Variants in STRN observed in about 807,000 individuals in gnomAD.
The protein encoded by STRN is striatin, also known as protein phosphatase 2 regulatory subunit B'''alpha.
A neutral mutation model predicts 96.3 loss-of-function variants in STRN; 53 were observed. The observed-to-expected ratio is 0.55, with a 90% CI of 0.44 to 0.69. STRN has a LOEUF of 0.69. STRN is among the 30% of genes least tolerant of loss of function. The pLI is 0.00. For missense variants in STRN, 987 were observed against 963.9 expected (o/e 1.02, Z -0.32); for synonymous variants, 428 against 355.9 (o/e 1.20, Z -2.28).
Position 36,867,838 on chromosome 2 carries a change from G to C in STRN, c.1523C>G (p.Pro508Arg). The change falls in exon 12 of 18, where the codon CCT (proline) becomes CGT (arginine). Residue 508 changes from proline (P) to arginine (R), a missense_variant. By Grantham distance (103) the Pro-to-Arg change is moderately radical. Transcript: ENST00000263918. The part of the protein sequence containing the change: ...AKKSTSLDVE[P>R]IYTFRAHKGP... ...CTTATGGGCTCTGAATGTATAGATA[G>C]GTTCTACATCAAGAGAAGTGCTCCT... The C allele has an allele frequency of 6.3e-7, 1 of 1,592,348 alleles. No individual in the cohort carries two copies. The highest frequency in any genetic ancestry group is 8.5e-7 in the Non-Finnish European group (1 of 1,170,740).
At chr2:36,923,650 A>G (rs3770776) in intron 2 of STRN, among the ~76,000 whole-genome samples, 62,463 of 151,948 alleles carry the variant, frequency 0.41, 13,100 homozygotes, top group East Asian at 0.55. Context: ...AGTTCTAATA[A>G]AATTTTATCT....
chr2:36,859,222 G>A (rs1238417072), intron 13 of STRN, among the ~76,000 whole-genome samples: 2 of 152,086 alleles, frequency 1.3e-5, no homozygotes, highest in African/African-American at 4.8e-5. Flanking sequence ...ATTTAATAAG[G>A]TAAGCTTGGT....
At chr2:36,897,735 C>A (rs1473101491) in intron 6 of STRN, among the ~76,000 whole-genome samples, 1 of 151,930 alleles carries the variant, frequency 6.6e-6, no homozygotes, top group African/African-American at 2.4e-5. Context: ...CCGTACCCAG[C>A]CAAAACTAAA....
intron 1 of STRN, among the ~76,000 whole-genome samples, chr2:36,926,311 G>A (rs1218451215): frequency 4.6e-5 from 7 of 152,146 alleles, no homozygotes; most frequent in African/African-American, 1.7e-4. Flanking sequence ...ACTTGTTAAA[G>A]TGACTCATAA....
At chr2:36,943,611 C>T (rs1400028849) in intron 1 of STRN, among the ~76,000 whole-genome samples, 35 of 151,708 alleles carry the variant, frequency 2.3e-4, no homozygotes, top group African/African-American at 7.2e-5. Flanking sequence ...AAGACCATCC[C>T]GGCTAACACA....
At chr2:36,925,084 C>T (rs1670374316) in intron 2 of STRN, 21 bp downstream of exon 2, 7 of 1,588,680 alleles carry the variant, frequency 4.4e-6, no homozygotes, top group Middle Eastern at 1.9e-4. Context: ...AAGAACACCA[C>T]TTTTCATTTT....
chr2:36,867,311 A>T (rs1668653229), intron 12 of STRN: 1 of 152,104 alleles, frequency 6.6e-6, no homozygotes, highest in African/African-American at 2.4e-5. Context: ...AACAGTGTAA[A>T]ACCTTGTCTC....
In STRN at chr2:36,856,037, C is replaced by T. The variant is rs1479073326; in HGVS notation, c.1838-685G>A. ...AATGTGCATACTGCAGAAGAAGATACACAAATAACCAATAAGCAAACAAAA... is the reference window on the plus strand; with the variant it reads ...AATGTGCATACTGCAGAAGAAGATATACAAATAACCAATAAGCAAACAAAA... On this transcript the variant is annotated intron_variant, in intron 14 of 17. Transcript: ENST00000263918. Among the ~76,000 whole-genome samples the T allele has an allele frequency of 2.0e-5, 3 of 152,050 alleles. No homozygotes were observed. In the East Asian group the frequency reaches 5.8e-4, roughly 29 times the overall value.
At chr2:36,856,776 G>A (rs551660869) in intron 14 of STRN, among the ~76,000 whole-genome samples, 2 of 152,252 alleles carry the variant, frequency 1.3e-5, no homozygotes, top group South Asian at 2.1e-4. Context: ...ACGGCCTGGC[G>A]GGAGGTGATT....
At chr2:36,879,446 G>C (rs1283598410) in intron 9 of STRN, among the ~76,000 whole-genome samples, 2 of 152,186 alleles carry the variant, frequency 1.3e-5, no homozygotes, top group Non-Finnish European at 2.9e-5. Flanking sequence ...GTTTTACTTT[G>C]TGAATAACCT....
rs1035975638 is a variant in STRN, at chr2:36,843,404, G to A, written c.*6052C>T. On this transcript the variant is annotated 3_prime_UTR_variant, in exon 18 of 18. Transcript: ENST00000263918. ...GGCTTGTGTATGTCTGTTAAGTAGC[G>A]AAACAAAAAATAAAAACATTGTATT... Among the ~76,000 whole-genome samples, 14 of 151,924 alleles carry A rather than the reference G, an allele frequency of 9.2e-5. No homozygotes were observed. The highest frequency in any genetic ancestry group is 2.9e-4 in the African/African-American group (12 of 41,358).
chr2:36,920,121 C>G (rs1183057045), intron 2 of STRN, among the ~76,000 whole-genome samples: 4 of 152,038 alleles, frequency 2.6e-5, no homozygotes, highest in African/African-American at 9.7e-5. Context: ...TAAAATAGAT[C>G]AAGGTGAAAA....
In STRN at chr2:36,936,990, T is replaced by A. The variant is rs1215140422; in HGVS notation, c.235-11782A>T. The stretch of plus-strand genomic sequence containing the variant: ...TGTCCAGGTCAATATAGTAAAATAC[T>A]CTGACAAAGACAGTAGGACCCAGAC... On this transcript the variant is annotated intron_variant, in intron 1 of 17. Coordinates refer to ENST00000263918, the MANE Select transcript of STRN (RefSeq NM_003162.4). Among the ~76,000 whole-genome samples the A allele has an allele frequency of 3.3e-5, 5 of 152,272 alleles. No individual in the cohort carries two copies. The East Asian group carries it at 9.7e-4, about 29-fold the overall frequency.
chr2:36,870,022 A>G (rs1183726208), intron 10 of STRN, among the ~76,000 whole-genome samples: 1 of 152,196 alleles, frequency 6.6e-6, no homozygotes, highest in Non-Finnish European at 1.5e-5. Context: ...GATAAATAAT[A>G]CCAAGTAATT....
chr2:36,868,068 C>A (rs1668674748), intron 11 of STRN, among the ~76,000 whole-genome samples: 1 of 152,144 alleles, frequency 6.6e-6, no homozygotes, highest in African/African-American at 2.4e-5. Context: ...TATCATGTTA[C>A]AGTATTTTTA....
chr2:36,894,496 T>A (rs1669487579), intron 6 of STRN, among the ~76,000 whole-genome samples: 1 of 152,180 alleles, frequency 6.6e-6, no homozygotes, highest in Non-Finnish European at 1.5e-5. Flanking sequence ...AACTCTGGAA[T>A]CACAAATCCA....
intron 3 of STRN, among the ~76,000 whole-genome samples, chr2:36,910,050 G>A (rs898890749): frequency 7.9e-5 from 12 of 152,084 alleles, no homozygotes; most frequent in African/African-American, 2.4e-4. Context: ...GCAGGCGCCT[G>A]TAATCCCAGC....
chr2:36,869,970 TA>T (rs1160164455), intron 10 of STRN, among the ~76,000 whole-genome samples: 9 of 152,132 alleles, frequency 5.9e-5, no homozygotes, highest in Non-Finnish European at 1.2e-4. Context: ...TAATTCAATA[TA>T]AAAAGTGAAT....
intron 15 of STRN, among the ~76,000 whole-genome samples, chr2:36,852,470 G>C (rs974194083): frequency 6.6e-6 from 1 of 152,104 alleles, no homozygotes; most frequent in African/African-American, 2.4e-5. Context: ...GAATGCCCTT[G>C]ATCTTAGAAT....
Sources: gnomAD v4.1 joint callset for allele counts (sites outside exome capture counted in the v4.1 genomes callset) on GRCh38, gnomAD v4.1.1 for gene constraint, MANE v1.5 for transcripts, NCBI Gene and HGNC (gene_info 2026-07-23, HGNC 2026-07-21) for gene names.